NUDT13: variants seen among roughly 807,000 people sequenced by gnomAD.
NUDT13 encodes nudix hydrolase 13.
In NUDT13, 40 loss-of-function variants were observed where a neutral mutation model predicts 41.7. The observed-to-expected ratio is 0.96, with a 90% CI of 0.75 to 1.25. NUDT13 has a LOEUF of 1.25. NUDT13 is among the 50% of genes most tolerant of loss of function. NUDT13 has a pLI of 0.00. For missense variants in NUDT13, 390 were observed against 416.1 expected (o/e 0.94, Z 0.55); for synonymous variants, 145 against 155.5 (o/e 0.93, Z 0.50).
chr10:73,129,654 C>T (rs904848422), intron 8 of NUDT13, among the ~76,000 whole-genome samples: 2 of 149,402 alleles, frequency 1.3e-5, no homozygotes, highest in African/African-American at 5.0e-5. Flanking sequence ...ATGCTTTTGA[C>T]TATCATTAAC....
intron 2 of NUDT13, among the ~76,000 whole-genome samples, chr10:73,118,601 C>T (rs778352833): frequency 6.6e-6 from 1 of 152,192 alleles, no homozygotes; most frequent in African/African-American, 2.4e-5. Context: ...AAGCCTGGTA[C>T]TTACCCCATT....
intron 1 of NUDT13, among the ~76,000 whole-genome samples, chr10:73,111,408 C>T (rs1842364800): frequency 6.7e-6 from 1 of 149,370 alleles, no homozygotes; most frequent in Non-Finnish European, 1.5e-5. Flanking sequence ...GAGTCTCGCT[C>T]TGTCGCCCAG....
chr10:73,115,473 C>T (rs1414263274), intron 2 of NUDT13, among the ~76,000 whole-genome samples: 6 of 152,006 alleles, frequency 3.9e-5, no homozygotes, highest in East Asian at 1.9e-4. Context: ...CAAACCTGGC[C>T]GAAAAATTTT....
chr10:73,130,929 C>A lies in NUDT13; in HGVS notation c.*26C>A. On this transcript the variant is annotated 3_prime_UTR_variant, in exon 9 of 9. Coordinates refer to ENST00000357321, the MANE Select transcript of NUDT13 (RefSeq NM_015901.6). ...CCCGGATCAAGTCACTTAGATCGCT[C>A]CTTGGTATTCCTGAGGGACAAACTA... 6.3e-7 allele frequency: 1 copy of A among 1,578,920 alleles called. No individual in the cohort carries two copies. Among genetic ancestry groups the A allele is most frequent in the South Asian group, 1.1e-5 (1 of 89,988 alleles).
chr10:73,113,433 T>A (rs1842420001), intron 1 of NUDT13, among the ~76,000 whole-genome samples: 1 of 152,174 alleles, frequency 6.6e-6, no homozygotes, highest in South Asian at 2.1e-4. Flanking sequence ...TTATAGTATA[T>A]CACACTAGTT....
In NUDT13 at chr10:73,127,102, C is replaced by T. The variant is rs182180537; in HGVS notation, c.858+275C>T. 1.9e-3 allele frequency among the ~76,000 whole-genome samples: 288 copies of T among 149,998 alleles called. 3 individuals are homozygous for T. The highest frequency in any genetic ancestry group is 6.7e-3 in the African/African-American group (272 of 40,788). The stretch of plus-strand genomic sequence containing the variant: ...CTACTAAAAATACAAAAATTAAGGC[C>T]GGGTGCGATGGCTCATGCCTGTAAT... On this transcript the variant is annotated intron_variant, in intron 8 of 8. Transcript: ENST00000357321.
chr10:73,122,368 C>A, intron 4 of NUDT13, 59 bp downstream of exon 4: 1 of 1,478,858 alleles, frequency 6.8e-7, no homozygotes, highest in Non-Finnish European at 9.1e-7. Context: ...TGGGATTTCA[C>A]ATAATGGTAA....
At chr10:73,121,807 G>C (rs559281101) in intron 3 of NUDT13, among the ~76,000 whole-genome samples, 1 of 151,844 alleles carries the variant, frequency 6.6e-6, no homozygotes, top group South Asian at 2.1e-4. Flanking sequence ...GATCCTCCCT[G>C]CCCCCCAGCC....
chr10:73,112,717 A>G (rs78901711), intron 1 of NUDT13, among the ~76,000 whole-genome samples: 23,896 of 151,840 alleles, frequency 0.16, 3,127 homozygotes, highest in African/African-American at 0.33. Flanking sequence ...TTACCATACA[A>G]CACAATAGAT....
rs1231883366 is a variant in NUDT13, at chr10:73,131,536, A to G, written c.*633A>G. 1 of 152,780 alleles carries G rather than the reference A, an allele frequency of 6.5e-6. No individual in the cohort carries two copies. The highest frequency in any genetic ancestry group is 1.5e-5 in the Non-Finnish European group (1 of 68,464). 9.5% of individuals were successfully genotyped at this position (152,780 alleles called of 1,614,324 possible). Reference sequence around the variant, plus strand: ...GGAAGTAGAATCCCAATGGGACTCCAGACAGTAAATCTTTTTCGCTGTTTT... The same window carrying G: ...GGAAGTAGAATCCCAATGGGACTCCGGACAGTAAATCTTTTTCGCTGTTTT... On this transcript the variant is annotated 3_prime_UTR_variant, in exon 9 of 9. Transcript: ENST00000357321.
At chr10:73,129,675 T>TAAAAA (rs568746029) in intron 8 of NUDT13, among the ~76,000 whole-genome samples, 8 of 135,360 alleles carry the variant, frequency 5.9e-5, no homozygotes, top group African/African-American at 2.1e-4. Context: ...CCTTACCCTT[T>TAAAAA]AAAAAAAAAA....
intron 7 of NUDT13, 53 bp from the exon 8 acceptor site, chr10:73,126,620 G>GT: frequency 6.3e-7 from 1 of 1,590,568 alleles, no homozygotes; most frequent in Non-Finnish European, 8.5e-7. Context: ...TGGGCTGTCT[G>GT]TATCACCCTT....
At position 73,120,174 on chromosome 10, in the gene NUDT13, C is replaced by T. The variant is rs781071926; in HGVS notation, c.223+17C>T. 4 of 1,610,704 alleles carry T rather than the reference C, an allele frequency of 2.5e-6. No homozygotes were observed. The highest frequency in any genetic ancestry group is 3.4e-6 in the Non-Finnish European group (4 of 1,177,992). Reference sequence around the variant, plus strand: ...GCCTGTTAGGTAAGTCCAGAGTGGACCAGTGGCGTTGACCAGCCTGTGGCC... The same window carrying T: ...GCCTGTTAGGTAAGTCCAGAGTGGATCAGTGGCGTTGACCAGCCTGTGGCC... On this transcript the variant is annotated intron_variant, in intron 3 of 8. Transcript: ENST00000357321.
At chr10:73,116,876 A>ATTTTTTTTTTTT (rs56229464) in intron 2 of NUDT13, among the ~76,000 whole-genome samples, 1 of 81,868 alleles carries the variant, frequency 1.2e-5, no homozygotes, top group African/African-American at 4.9e-5. Flanking sequence ...GACTACAAGA[A>ATTTTTTTTTTTT]TTTTTTTTTT....
At chr10:73,120,670 G>A (rs1244959331) in intron 3 of NUDT13, among the ~76,000 whole-genome samples, 1 of 152,138 alleles carries the variant, frequency 6.6e-6, no homozygotes, top group Non-Finnish European at 1.5e-5. Context: ...CAGGCGCGGT[G>A]GCTCACGCCT....
At chr10:73,125,282 T>A (rs777854068) in intron 6 of NUDT13, 39 bp downstream of exon 6, 2 of 1,604,974 alleles carry the variant, frequency 1.2e-6, no homozygotes, top group Non-Finnish European at 1.7e-6. Context: ...CCAAGAAGAC[T>A]GTGCGCTGCT....
intron 1 of NUDT13, among the ~76,000 whole-genome samples, chr10:73,112,340 C>T (rs753700159): frequency 2.6e-5 from 4 of 150,990 alleles, no homozygotes; most frequent in African/African-American, 9.7e-5. Flanking sequence ...GCAACAAGAG[C>T]GAAACTCCGT....
chr10:73,125,102 A>T lies in NUDT13; in HGVS notation c.466-16A>T, dbSNP rs1418444778. 2 of 1,600,564 alleles carry T rather than the reference A, an allele frequency of 1.2e-6. No individual in the cohort carries two copies. The highest frequency in any genetic ancestry group is 1.7e-6 in the Non-Finnish European group (2 of 1,174,674). On this transcript the variant is annotated splice_polypyrimidine_tract_variant and intron_variant, in intron 5 of 8. Transcript: ENST00000357321. ...ATTCTCTCCAAATGACACCAGGCCC[A>T]TCATTGTGTTCCTAGGCTCAAGCTC...
chr10:73,125,442 C>G lies in NUDT13; in HGVS notation c.636C>G (p.Cys212Trp). 6.2e-7 allele frequency: 1 copy of G among 1,613,140 alleles called. No individual in the cohort carries two copies. Among genetic ancestry groups the G allele is most frequent in the Non-Finnish European group, 8.5e-7 (1 of 1,179,682 alleles). Residue 212 changes from cysteine to tryptophan, a missense_variant, in exon 7 of 9, where the codon TGC becomes TGG. Physicochemically the swap from Cys to Trp is radical, Grantham distance 215. Coordinates refer to ENST00000357321, the MANE Select transcript of NUDT13 (RefSeq NM_015901.6). Reference sequence around the variant, plus strand: ...CGCTGGTGTCAGATGGGACCCGATGCCTGCTTGCCCGCCAAAGCTCCTTTC... The same window carrying G: ...CGCTGGTGTCAGATGGGACCCGATGGCTGCTTGCCCGCCAAAGCTCCTTTC... Reference protein sequence around the residue: ...AITLVSDGTRCLLARQSSFPK... With the variant: ...AITLVSDGTRWLLARQSSFPK...
Sources: allele counts gnomAD v4.1 joint callset (sites outside exome capture counted in the v4.1 genomes callset), GRCh38; gene constraint gnomAD v4.1.1; transcripts MANE v1.5; gene names NCBI Gene and HGNC (gene_info 2026-07-23, HGNC 2026-07-21).